The following ENTREP2 variants were observed in gnomAD, a reference collection of about 807,000 sequenced individuals.
ENTREP2 encodes protein ENTREP2.
chr15:29,253,546 G>A, the ENTREP2 span, among the ~76,000 whole-genome samples: 1 of 150,986 alleles, frequency 6.6e-6, no homozygotes, highest in East Asian at 2.0e-4. Context: ...GGGTTCAAGC[G>A]ATTATCTTGC....
chr15:29,281,341 A>G, the ENTREP2 span, among the ~76,000 whole-genome samples: 2 of 152,344 alleles, frequency 1.3e-5, no homozygotes, highest in South Asian at 2.1e-4. Context: ...TGGAGGTTAT[A>G]TAATAAGTGA....
the ENTREP2 span, among the ~76,000 whole-genome samples, chr15:29,187,677 G>A: frequency 1.3e-5 from 2 of 152,106 alleles, no homozygotes; most frequent in South Asian, 4.1e-4. Flanking sequence ...CACAGAAGAG[G>A]TGCTCAAAAA....
the ENTREP2 span, among the ~76,000 whole-genome samples, chr15:29,194,290 G>A: frequency 6.6e-6 from 1 of 152,182 alleles, no homozygotes; most frequent in Admixed American, 6.5e-5. Flanking sequence ...CCCTCAGGTG[G>A]GGGACAGGGG....
At chr15:29,503,129 C>G in the ENTREP2 span, among the ~76,000 whole-genome samples, 1 of 152,050 alleles carries the variant, frequency 6.6e-6, no homozygotes, top group African/African-American at 2.4e-5. Context: ...GATATGTTCA[C>G]ACAAAATCCA....
chr15:29,611,958 T>TG, the ENTREP2 span, among the ~76,000 whole-genome samples: 4 of 152,238 alleles, frequency 2.6e-5, no homozygotes, highest in African/African-American at 9.6e-5. Context: ...TGATGACTTC[T>TG]GTTCTCTAAT....
At chr15:29,597,986 A>T in the ENTREP2 span, among the ~76,000 whole-genome samples, 2 of 151,890 alleles carry the variant, frequency 1.3e-5, no homozygotes, top group African/African-American at 4.8e-5. Context: ...GCCAGGCCTC[A>T]TGGCATGCAC....
the ENTREP2 span, among the ~76,000 whole-genome samples, chr15:29,372,383 T>C: frequency 3.3e-5 from 5 of 152,236 alleles, no homozygotes; most frequent in African/African-American, 1.2e-4. Flanking sequence ...ATACAGCATA[T>C]AATACATCTA....
the ENTREP2 span, among the ~76,000 whole-genome samples, chr15:29,244,655 G>T: frequency 1.3e-5 from 2 of 152,210 alleles, no homozygotes; most frequent in East Asian, 3.8e-4. Flanking sequence ...AGACAAAAGT[G>T]TTATAAAAAC....
At chr15:29,235,066 C>T in the ENTREP2 span, 1 of 1,104,872 alleles carries the variant, frequency 9.1e-7, no homozygotes. Flanking sequence ...ACAGCCAGGA[C>T]AGGTCCTCCA....
At chr15:29,595,453 A>G in the ENTREP2 span, among the ~76,000 whole-genome samples, 3 of 152,160 alleles carry the variant, frequency 2.0e-5, no homozygotes, top group African/African-American at 7.2e-5. Flanking sequence ...ACTGGAGTCC[A>G]TACTTTGTCC....
chr15:29,490,377 A>T, the ENTREP2 span, among the ~76,000 whole-genome samples: 1 of 152,096 alleles, frequency 6.6e-6, no homozygotes, highest in Non-Finnish European at 1.5e-5. Flanking sequence ...GAAAGAACAA[A>T]ACCTCCACAA....
the ENTREP2 span, among the ~76,000 whole-genome samples, chr15:29,220,478 C>T: frequency 1.3e-5 from 2 of 152,154 alleles, no homozygotes; most frequent in African/African-American, 4.8e-5. Flanking sequence ...GCAATTAAAG[C>T]CCATTAGAAC....
At chr15:29,489,739 G>C in the ENTREP2 span, among the ~76,000 whole-genome samples, 3 of 152,156 alleles carry the variant, frequency 2.0e-5, no homozygotes, top group African/African-American at 7.2e-5. Flanking sequence ...CAGCACTCTA[G>C]GTGAACACGC....
At chr15:29,423,806 T>A in the ENTREP2 span, among the ~76,000 whole-genome samples, 2 of 145,006 alleles carry the variant, frequency 1.4e-5, no homozygotes, top group Admixed American at 7.0e-5. Flanking sequence ...AAAAAAAAAA[T>A]TTGATTTTTT....
chr15:29,659,864 T>C, the ENTREP2 span, among the ~76,000 whole-genome samples: 2 of 152,052 alleles, frequency 1.3e-5, no homozygotes, highest in Non-Finnish European at 2.9e-5. Flanking sequence ...TGGTGCTATA[T>C]GTCAGCTCAC....
the ENTREP2 span, chr15:29,126,344 C>T: frequency 1.5e-5 from 23 of 1,535,528 alleles, no homozygotes; most frequent in Non-Finnish European, 2.0e-5. Context: ...CACCTGTGAG[C>T]CCATGCCAGG....
At chr15:29,611,239 C>A in the ENTREP2 span, 3 of 152,232 alleles carry the variant, frequency 2.0e-5, no homozygotes, top group East Asian at 5.8e-4. Context: ...TCCACCCTTC[C>A]CCCTTCCCTG....
chr15:29,120,315 A>G, the ENTREP2 span: 1 of 152,248 alleles, frequency 6.6e-6, no homozygotes, highest in African/African-American at 2.4e-5. Flanking sequence ...GGTACATTAA[A>G]TAAATACAGC....
chr15:29,646,740 G>A, the ENTREP2 span, among the ~76,000 whole-genome samples: 3 of 152,146 alleles, frequency 2.0e-5, no homozygotes, highest in African/African-American at 7.2e-5. Flanking sequence ...GAATAACCAG[G>A]GATGGAAATC....
Sources: gnomAD v4.1 joint callset for allele counts (sites outside exome capture counted in the v4.1 genomes callset) on GRCh38, gnomAD v4.1.1 for gene constraint, MANE v1.5 for transcripts, NCBI Gene and HGNC (gene_info 2026-07-23, HGNC 2026-07-21) for gene names.